SPTBN1: variants seen among roughly 807,000 people sequenced by gnomAD.
The protein encoded by SPTBN1 is spectrin beta chain, non-erythrocytic 1.
In SPTBN1, 32 loss-of-function variants were observed where a neutral mutation model predicts 266.4. That is an observed-to-expected ratio of 0.12 (90% confidence interval 0.09 to 0.16). SPTBN1 has a LOEUF of 0.16. SPTBN1 is among the 10% of genes least tolerant of loss of function. The pLI is 1.00. For missense variants in SPTBN1, 2,296 were observed against 3,067.1 expected (o/e 0.75, Z 5.94); for synonymous variants, 1,336 against 1,162.2 (o/e 1.15, Z -3.04).
chr2:54,466,561 CAAAAAAAAAAAAAAAAAAAAAAAAAAA>C lies in SPTBN1; in HGVS notation c.-48+10063_-48+10089del, dbSNP rs768371303. On this transcript the variant is annotated intron_variant, in intron 1 of 35. Transcript: ENST00000356805. ...TGGGCGACAGAGCGAGACTCCGTCT[CAAAAAAAAAAAAAAAAAAAAAAAAAAA>C]AAAAAAAAAAAAAAAAAAAGTATGT... Among the ~76,000 whole-genome samples, 18 of 4,986 alleles carry C rather than the reference CAAAAAAAAAAAAAAAAAAAAAAAAAAA, an allele frequency of 3.6e-3. 2 individuals are homozygous for C. The highest frequency in any genetic ancestry group is 0.017 in the South Asian group (2 of 116). 3.3% of individuals were successfully genotyped at this position (4,986 alleles called of 152,430 possible). A position where few individuals can be genotyped will look rare whatever the true frequency, so the allele number is the denominator to read the frequency against.
rs1572710076 is a variant in SPTBN1 at position 54,629,203 on chromosome 2, G to A, written c.2069G>A (p.Arg690His). 6.2e-7 allele frequency: 1 copy of A among 1,613,656 alleles called. No individual in the cohort carries two copies. Among genetic ancestry groups the A allele is most frequent in the East Asian group, 2.2e-5 (1 of 44,870 alleles). Residue 690 changes from arginine (R) to histidine (H), a missense_variant, in exon 14 of 36, where the codon CGC becomes CAC. By Grantham distance (29) the Arg-to-His change is conservative (BLOSUM62 0). Around this residue, in one of 12 missense-constraint regions of SPTBN1, gnomAD observed 434 missense variants for 573.9 expected, o/e 0.76. Coordinates refer to ENST00000356805, the MANE Select transcript of SPTBN1 (RefSeq NM_003128.3). ...HRAFEDEMSG[R>H]SGHFEQAIKE... ...GCGTTCGAGGACGAGATGAGCGGCC[G>A]CAGTGGCCACTTTGAGCAGGCCATC... is the stretch of plus-strand genomic sequence containing the variant.
Position 54,645,145 on chromosome 2 carries a change from T to C in SPTBN1, c.4270-84T>C, listed in dbSNP as rs1679835097. The stretch of plus-strand genomic sequence containing the variant: ...TGGCTGGCTTTGCGGTGTGGCCAAG[T>C]CCCAGGCCCAGCAGTTCTGCTTAGA... On this transcript the variant is annotated intron_variant, in intron 20 of 35. Coordinates refer to ENST00000356805, the MANE Select transcript of SPTBN1 (RefSeq NM_003128.3). The surrounding 1 kb of genome is among the most constrained non-coding windows in gnomAD (Gnocchi z 4.3). 1 of 1,479,500 alleles carries C rather than the reference T, an allele frequency of 6.8e-7. No homozygotes were observed. Among genetic ancestry groups the C allele is most frequent in the Non-Finnish European group, 9.3e-7 (1 of 1,073,750 alleles). 91.6% of individuals were successfully genotyped at this position (1,479,500 alleles called of 1,614,324 possible).
At chr2:54,609,918 A>G (rs920575444) in intron 3 of SPTBN1, among the ~76,000 whole-genome samples, 4 of 152,204 alleles carry the variant, frequency 2.6e-5, no homozygotes, top group South Asian at 2.1e-4. Context: ...GAATAAGGGC[A>G]GTCCTGATTA....
At chr2:54,469,317 G>T (rs1000014669) in intron 1 of SPTBN1, among the ~76,000 whole-genome samples, 18 of 152,310 alleles carry the variant, frequency 1.2e-4, no homozygotes, top group Non-Finnish European at 1.9e-4. Flanking sequence ...AAACTTGGGG[G>T]TTGCTGTTAG....
Position 54,594,833 on chromosome 2 carries a change from C to CTTTTTTTTTTTTTTTTTTTTTTT in SPTBN1, c.149-4241_149-4240insTTTTTTTTTTTTTTTTTTTTTTT, listed in dbSNP as rs71408777. On this transcript the variant is annotated intron_variant, in intron 2 of 35. Coordinates refer to ENST00000356805, the MANE Select transcript of SPTBN1 (RefSeq NM_003128.3). The stretch of plus-strand genomic sequence containing the variant: ...GATTCCATGACCCTCTGGTAAGTTT[C>CTTTTTTTTTTTTTTTTTTTTTTT]TTTTTTTTTTTTTTTTTTGAGACAG... 2.1e-4 allele frequency among the ~76,000 whole-genome samples: 22 copies of CTTTTTTTTTTTTTTTTTTTTTTT among 104,676 alleles called. 3 individuals carry two copies. Among genetic ancestry groups the CTTTTTTTTTTTTTTTTTTTTTTT allele is most frequent in the African/African-American group, 9.1e-4 (18 of 19,770 alleles). The allele number at this position is 104,676 out of a possible 152,430, so 68.7% of individuals were successfully genotyped here. A position where few individuals can be genotyped will look rare whatever the true frequency, so the allele number is the denominator to read the frequency against.
At chr2:54,494,921 A>ATTT (rs1417921026) in intron 1 of SPTBN1, among the ~76,000 whole-genome samples, 4 of 151,398 alleles carry the variant, frequency 2.6e-5, no homozygotes, top group African/African-American at 9.8e-5. Context: ...TTTTTTTAAA[A>ATTT]AAAAAAAAAT....
intron 17 of SPTBN1, among the ~76,000 whole-genome samples, chr2:54,636,888 T>C (rs1031816234): frequency 6.6e-5 from 10 of 152,212 alleles, no homozygotes; most frequent in African/African-American, 2.4e-4. Flanking sequence ...CTATTGGAAA[T>C]GAAGCTCTCC....
chr2:54,571,218 C>T (rs1208391743), intron 2 of SPTBN1, among the ~76,000 whole-genome samples: 1 of 152,026 alleles, frequency 6.6e-6, no homozygotes, highest in East Asian at 1.9e-4. Flanking sequence ...GACGTTTTCT[C>T]TCTCATTTCA....
At chr2:54,526,106 A>G (rs1040362779) in intron 1 of SPTBN1, among the ~76,000 whole-genome samples, 2 of 152,248 alleles carry the variant, frequency 1.3e-5, no homozygotes, top group African/African-American at 4.8e-5. Context: ...GGGGGTATCC[A>G]TCATCTCATT....
At chr2:54,666,758 G>A (rs767724742) in intron 34 of SPTBN1, among the ~76,000 whole-genome samples, 2 of 152,210 alleles carry the variant, frequency 1.3e-5, no homozygotes, top group Non-Finnish European at 2.9e-5. Context: ...TTGTGCTGTT[G>A]CTTTGGGATC....
At position 54,599,074 on chromosome 2, in the gene SPTBN1, GTTC is replaced by G. The variant is rs912093539; in HGVS notation, c.149-13_149-11del. On this transcript the variant is annotated splice_polypyrimidine_tract_variant and intron_variant, in intron 2 of 35. Transcript: ENST00000356805. ...AGTTCTGTGGTCAATGGTAAAACAA[GTTC>G]TTCTCTGCTTGCAGATGAGCGTGAA... 1.1e-5 allele frequency: 17 copies of G among 1,613,006 alleles called. No individual in the cohort carries two copies. Among genetic ancestry groups the G allele is most frequent in the East Asian group, 6.7e-5 (3 of 44,882 alleles).
At chr2:54,506,897 T>C (rs1669594893) in intron 1 of SPTBN1, among the ~76,000 whole-genome samples, 1 of 96,082 alleles carries the variant, frequency 1.0e-5, no homozygotes, top group South Asian at 4.0e-4. Flanking sequence ...TCTCTCTCTT[T>C]TTTTTTTTTT....
chr2:54,527,964 G>A (rs976998693), intron 2 of SPTBN1: 1 of 152,272 alleles, frequency 6.6e-6, no homozygotes, highest in African/African-American at 2.4e-5. Flanking sequence ...TGGATGTTGG[G>A]GGTACAGCTA....
intron 1 of SPTBN1, among the ~76,000 whole-genome samples, chr2:54,469,413 TCA>T (rs1245575899): frequency 2.6e-5 from 4 of 152,188 alleles, no homozygotes; most frequent in African/African-American, 9.6e-5. Flanking sequence ...TTGGCCCTTT[TCA>T]CAGTTAAGAG....
Position 54,666,026 on chromosome 2 carries a change from G to C in SPTBN1, c.6771G>C (p.Leu2257Phe), listed in dbSNP as rs747890830. The C allele has an allele frequency of 1.2e-6, 2 of 1,614,114 alleles. No individual in the cohort carries two copies. The highest frequency in any genetic ancestry group is 1.7e-6 in the Non-Finnish European group (2 of 1,180,004). ...ACCACAGCGAGGTCCCTGTGAGTTT[G>C]AAAGAAGCTGTCTGCGAAGTGGCCC... is the stretch of plus-strand genomic sequence containing the variant. ...IPYHSEVPVS[L>F]KEAVCEVALD... is the part of the protein sequence containing the mutation. The change falls in exon 34 of 36, where the codon TTG becomes TTC. Residue 2257 changes from leucine to phenylalanine, a missense_variant. Leu to Phe is a conservative substitution (Grantham distance 22). This residue lies in a region of SPTBN1 where 347 missense variants were observed against 368.5 expected (regional missense o/e 0.94). Transcript: ENST00000356805.
chr2:54,637,685 A>G (rs1679245171), intron 17 of SPTBN1, 28 bp from the exon 18 acceptor site: 45 of 1,560,372 alleles, frequency 2.9e-5, no homozygotes, highest in Non-Finnish European at 3.6e-5. Context: ...TCCTTTTTTA[A>G]AAATTATTTT....
intron 7 of SPTBN1, among the ~76,000 whole-genome samples, chr2:54,620,610 C>T (rs972457262): frequency 8.5e-5 from 13 of 152,086 alleles, no homozygotes; most frequent in African/African-American, 1.9e-4. Context: ...AATCATGTCA[C>T]GGCATTCTAG....
At chr2:54,634,499 A>G (rs182621712) in intron 17 of SPTBN1, among the ~76,000 whole-genome samples, 2 of 152,298 alleles carry the variant, frequency 1.3e-5, no homozygotes, top group Admixed American at 6.5e-5. Context: ...ACCTGCCATC[A>G]GGAGAACTAC....
chr2:54,532,126 A>G (rs1046446601), intron 2 of SPTBN1, among the ~76,000 whole-genome samples: 1 of 152,054 alleles, frequency 6.6e-6, no homozygotes, highest in Non-Finnish European at 1.5e-5. Context: ...CATCTCTGCT[A>G]AAAATACAAA....
Sources: allele counts gnomAD v4.1 joint callset (sites outside exome capture counted in the v4.1 genomes callset), GRCh38; gene constraint gnomAD v4.1.1; regional missense constraint gnomAD v4.1.1; non-coding constraint Gnocchi (gnomAD v3.1); transcripts MANE v1.5; gene names NCBI Gene and HGNC (gene_info 2026-07-23, HGNC 2026-07-21).